The following FAM131C variants were observed in gnomAD, a reference collection of about 807,000 sequenced individuals.
FAM131C encodes family with sequence similarity 131 member C.
FAM131C carries 14 observed loss-of-function variants against 29.8 expected under a neutral mutation model. The ratio of observed to expected loss-of-function variants is 0.47; its 90% CI spans 0.31 to 0.73. FAM131C has a LOEUF of 0.73. Ranked by LOEUF, FAM131C falls within the 30% of genes least tolerant of loss-of-function variation. FAM131C has a pLI of 0.05. For synonymous variants in FAM131C, 86 were observed against 157.8 expected (o/e 0.54, Z 3.41); for missense variants, 252 against 383.8 (o/e 0.66, Z 2.87).
rs141455783 is a variant in FAM131C, at chr1:16,069,454, G to A, written c.22+3967C>T. On this transcript the variant is annotated intron_variant, in intron 1 of 6. Coordinates refer to ENST00000375662, the MANE Select transcript of FAM131C (RefSeq NM_182623.3). ...TGATCAGATGTCTGAGTTTCCAGAA[G>A]AAAATTCTCGGTCTCTAATTTCTAC... Among the ~76,000 whole-genome samples, 1,175 of 152,274 alleles carry A rather than the reference G, an allele frequency of 7.7e-3. 14 individuals carry two copies. Among genetic ancestry groups the A allele is most frequent in the African/African-American group, 0.026 (1,071 of 41,546 alleles).
intron 1 of FAM131C, among the ~76,000 whole-genome samples, chr1:16,070,630 A>C (rs570340526): frequency 1.3e-5 from 2 of 152,218 alleles, no homozygotes; most frequent in East Asian, 3.8e-4. Context: ...TGTCTCTATT[A>C]TAATATATAC....
rs1326591016 is a variant in FAM131C, at chr1:16,073,454, G to A, written c.-12C>T. 8 of 1,205,736 alleles carry A rather than the reference G, an allele frequency of 6.6e-6. No individual in the cohort carries two copies. The highest frequency in any genetic ancestry group is 4.7e-5 in the African/African-American group (3 of 63,366). The allele number at this position is 1,205,736 out of a possible 1,614,324, so 74.7% of individuals were successfully genotyped here. ...ACGCAGGAGCCCATCACGGGGCCGC[G>A]GGGCCGGGCCGCTGCGCCCGGGGTG... On this transcript the variant is annotated 5_prime_UTR_variant, in exon 1 of 7. Coordinates refer to ENST00000375662, the MANE Select transcript of FAM131C (RefSeq NM_182623.3).
Position 16,063,525 on chromosome 1 carries a change from C to G in FAM131C, c.134G>C (p.Gly45Ala). The G allele has an allele frequency of 6.2e-7, 1 of 1,612,718 alleles. No individual in the cohort carries two copies. Among genetic ancestry groups the G allele is most frequent in the South Asian group, 1.1e-5 (1 of 91,032 alleles). ...TPTVAPDCVI[G>A]KDKQMDFCWD... ...GGATGAGGAGCAGCCAGTTACCTTG[C>G]CAATGACACAGTCTGGAGCCACGGT... Residue 45 changes from glycine (G) to alanine (A), a missense_variant, in exon 2 of 7, where the codon GGC (glycine) becomes GCC (alanine). By Grantham distance (60) the Gly-to-Ala change is moderately conservative. Coordinates refer to ENST00000375662, the MANE Select transcript of FAM131C (RefSeq NM_182623.3).
intron 4 of FAM131C, among the ~76,000 whole-genome samples, chr1:16,060,908 G>A (rs1242898334): frequency 6.6e-6 from 1 of 152,136 alleles, no homozygotes; most frequent in African/African-American, 2.4e-5. Flanking sequence ...AGGGGTTACC[G>A]CAGGGACCCA....
In FAM131C at chr1:16,062,383, C is replaced by A. The variant is rs1340067404; in HGVS notation, c.174+116G>T. 108 of 188,922 alleles carry A rather than the reference C, an allele frequency of 5.7e-4. 1 individual carries two copies. The highest frequency in any genetic ancestry group is 7.9e-4 in the South Asian group (5 of 6,302). The allele number at this position is 188,922 out of a possible 1,614,324, so 11.7% of individuals were successfully genotyped here. A position where few individuals can be genotyped will look rare whatever the true frequency, so the allele number is the denominator to read the frequency against. ...CCCCCACCCACTGTTTCATCAGGCC[C>A]CCCCCCCCCCCGCCCCAGGGCCAGC... On this transcript the variant is annotated intron_variant, in intron 3 of 6. Coordinates refer to ENST00000375662, the MANE Select transcript of FAM131C (RefSeq NM_182623.3).
At chr1:16,070,416 G>A (rs2023736886) in intron 1 of FAM131C, among the ~76,000 whole-genome samples, 1 of 152,180 alleles carries the variant, frequency 6.6e-6, no homozygotes, top group Non-Finnish European at 1.5e-5. Context: ...CCTTTCCCAT[G>A]AGGCAGGATG....
chr1:16,064,796 G>A (rs1238124919), intron 1 of FAM131C, among the ~76,000 whole-genome samples: 4 of 152,150 alleles, frequency 2.6e-5, no homozygotes, highest in African/African-American at 7.2e-5. Context: ...TTCCAAGCAG[G>A]CTTTCATGAG....
intron 4 of FAM131C, among the ~76,000 whole-genome samples, chr1:16,060,957 G>A (rs766666879): frequency 1.2e-4 from 19 of 152,154 alleles, no homozygotes; most frequent in East Asian, 3.9e-4. Flanking sequence ...CAGAGAGGAG[G>A]GGTCGGGGGC....
At chr1:16,064,236 A>T (rs1333442579) in intron 1 of FAM131C, among the ~76,000 whole-genome samples, 1 of 151,880 alleles carries the variant, frequency 6.6e-6, no homozygotes, top group Non-Finnish European at 1.5e-5. Context: ...GACATGAAAC[A>T]CACCCCCTCC....
At chr1:16,059,639 T>C in intron 5 of FAM131C, 35 bp from the exon 6 acceptor site, 4 of 1,540,008 alleles carry the variant, frequency 2.6e-6, no homozygotes, top group Non-Finnish European at 3.5e-6. Flanking sequence ...CAGGGGGGCA[T>C]GGGTGGGGAC....
intron 1 of FAM131C, among the ~76,000 whole-genome samples, chr1:16,072,269 C>T (rs563768999): frequency 9.2e-5 from 14 of 152,336 alleles, no homozygotes; most frequent in South Asian, 2.1e-4. Flanking sequence ...CGATACCTCC[C>T]AGAGACATCC....
intron 5 of FAM131C, 45 bp from the exon 6 acceptor site, chr1:16,059,649 C>T (rs777935530): frequency 1.1e-5 from 17 of 1,503,930 alleles, no homozygotes; most frequent in East Asian, 4.7e-5. Flanking sequence ...TGGGTGGGGA[C>T]GGCCTCAGTG....
At position 16,062,380 on chromosome 1, in the gene FAM131C, G is replaced by GCCCC. The variant is rs34673312; in HGVS notation, c.174+115_174+118dup. On this transcript the variant is annotated intron_variant, in intron 3 of 6. Transcript: ENST00000375662. The stretch of plus-strand genomic sequence containing the variant: ...CAACCCCCACCCACTGTTTCATCAG[G>GCCCC]CCCCCCCCCCCCCCGCCCCAGGGCC... 5.3e-3 allele frequency: 4,534 copies of GCCCC among 859,416 alleles called. 242 individuals carry two copies. Among genetic ancestry groups the GCCCC allele is most frequent in the African/African-American group, 0.034 (1,122 of 33,492 alleles). The allele number at this position is 859,416 out of a possible 1,614,324, so 53.2% of individuals were successfully genotyped here. A position where few individuals can be genotyped will look rare whatever the true frequency, so the allele number is the denominator to read the frequency against.
intron 1 of FAM131C, among the ~76,000 whole-genome samples, chr1:16,065,158 C>A (rs568672293): frequency 3.3e-5 from 5 of 152,330 alleles, no homozygotes; most frequent in African/African-American, 9.6e-5. Context: ...GCCCAAGGGG[C>A]ACCCCAAGCA....
At chr1:16,063,371 G>A in intron 2 of FAM131C, 150 bp downstream of exon 2, 1 of 662,036 alleles carries the variant, frequency 1.5e-6, no homozygotes, top group Non-Finnish European at 2.7e-6. Flanking sequence ...TCATGCTGCT[G>A]AATACCAGGC....
chr1:16,059,464 C>A lies in FAM131C; in HGVS notation c.562+30G>T, dbSNP rs781343593. On this transcript the variant is annotated intron_variant, in intron 6 of 6. Coordinates refer to ENST00000375662, the MANE Select transcript of FAM131C (RefSeq NM_182623.3). ...TCCAGAATCAGCTCCACTCTGCCCA[C>A]CCCCGCCCCCTGGACCCTCTGGGCT... is the stretch of plus-strand genomic sequence containing the variant. 10 of 1,606,234 alleles carry A rather than the reference C, an allele frequency of 6.2e-6. No individual in the cohort carries two copies. In the South Asian group the frequency reaches 8.9e-5, roughly 14 times the overall value.
rs2023537859 is a variant in FAM131C at position 16,058,794 on chromosome 1, G to C, written c.563-77C>G. On this transcript the variant is annotated intron_variant, in intron 6 of 6. Transcript: ENST00000375662. ...GCCCTCTCTGGGGGTGTGAGAAAGG[G>C]CAAGGGGCAGAAGACCTGCCTCCAA... The C allele has an allele frequency of 5.2e-6, 7 of 1,349,326 alleles. 1 individual carries two copies. The highest frequency in any genetic ancestry group is 7.0e-6 in the Non-Finnish European group (7 of 998,140). 83.6% of individuals were successfully genotyped at this position (1,349,326 alleles called of 1,614,324 possible). A position where few individuals can be genotyped will look rare whatever the true frequency, so the allele number is the denominator to read the frequency against.
chr1:16,063,430 A>C, intron 2 of FAM131C, 91 bp downstream of exon 2: 1 of 1,001,848 alleles, frequency 1.0e-6, no homozygotes, highest in Non-Finnish European at 1.6e-6. Flanking sequence ...CAGGGAAGGA[A>C]GGAGACTGGA....
intron 1 of FAM131C, among the ~76,000 whole-genome samples, chr1:16,064,926 C>G (rs543456006): frequency 3.3e-5 from 5 of 152,360 alleles, no homozygotes; most frequent in African/African-American, 1.2e-4. Context: ...CGCTCTTATC[C>G]TGGCCTCTGG....
Sources: gnomAD v4.1 joint callset for allele counts (sites outside exome capture counted in the v4.1 genomes callset) on GRCh38, gnomAD v4.1.1 for gene constraint, MANE v1.5 for transcripts, NCBI Gene and HGNC (gene_info 2026-07-23, HGNC 2026-07-21) for gene names.